SLC35D2: variants seen among roughly 807,000 people sequenced by gnomAD.
The protein encoded by SLC35D2 is solute carrier family 35 member D2.
In SLC35D2, 43 loss-of-function variants were observed where a neutral mutation model predicts 41.8. The ratio of observed to expected loss-of-function variants is 1.03; its 90% CI spans 0.81 to 1.33. The LOEUF is 1.33. Among genes scored for constraint, SLC35D2 ranks in the 40% most tolerant of loss-of-function variants. The probability of loss-of-function intolerance (pLI) is 0.00; values close to 1 mark genes in which losing one functional copy is unlikely to be tolerated. For synonymous variants in SLC35D2, 150 were observed against 163.9 expected (o/e 0.92, Z 0.65); for missense variants, 380 against 408.4 (o/e 0.93, Z 0.60).
intron 1 of SLC35D2, chr9:96,373,951 G>A (rs1011601718): frequency 5.9e-5 from 9 of 152,186 alleles, no homozygotes; most frequent in African/African-American, 2.2e-4. Context: ...TCTCAGCAGA[G>A]GCAAGCTGAA....
chr9:96,350,932 C>G (rs1829784778), intron 6 of SLC35D2, 171 bp downstream of exon 6: 2 of 515,964 alleles, frequency 3.9e-6, no homozygotes, highest in African/African-American at 3.8e-5. Flanking sequence ...AATGTGGGAC[C>G]CACTTTGACT....
chr9:96,328,699 G>A (rs917562625), intron 9 of SLC35D2, among the ~76,000 whole-genome samples: 7 of 152,068 alleles, frequency 4.6e-5, no homozygotes, highest in African/African-American at 7.3e-5. Context: ...ACTGATTACC[G>A]TTCCCTGCCC....
intron 1 of SLC35D2, among the ~76,000 whole-genome samples, chr9:96,376,177 C>T (rs1379071672): frequency 6.6e-6 from 1 of 151,064 alleles, no homozygotes; most frequent in Non-Finnish European, 1.5e-5. Flanking sequence ...CGCCTGTAAT[C>T]CCAGCTACTC....
intron 1 of SLC35D2, among the ~76,000 whole-genome samples, chr9:96,368,765 TAC>T (rs556496513): frequency 3.8e-4 from 57 of 149,824 alleles, no homozygotes; most frequent in African/African-American, 1.2e-3. Context: ...TATATATATA[TAC>T]ACACACACAC....
At chr9:96,341,094 C>T (rs1829305359) in intron 8 of SLC35D2, among the ~76,000 whole-genome samples, 3 of 152,098 alleles carry the variant, frequency 2.0e-5, no homozygotes. Context: ...TGAGACCATC[C>T]TGGCCAACAT....
chr9:96,314,855 C>A (rs776319770), exon 12 of SLC35D2: 1 of 152,160 alleles, frequency 6.6e-6, no homozygotes, highest in Non-Finnish European at 1.5e-5. Context: ...AGAATGACCC[C>A]TTTTTGGCTA....
intron 8 of SLC35D2, among the ~76,000 whole-genome samples, chr9:96,341,433 G>A (rs1829321586): frequency 6.6e-6 from 1 of 152,234 alleles, no homozygotes; most frequent in Non-Finnish European, 1.5e-5. Flanking sequence ...AGTGGAGGAT[G>A]TGTTTCTAGA....
chr9:96,328,987 C>G (rs924461842), intron 9 of SLC35D2, among the ~76,000 whole-genome samples: 4 of 151,262 alleles, frequency 2.6e-5, no homozygotes, highest in Non-Finnish European at 5.9e-5. Flanking sequence ...ACTCAGGAGG[C>G]TGAGGCAGGA....
At chr9:96,354,625 G>A (rs1457004019) in intron 4 of SLC35D2, among the ~76,000 whole-genome samples, 3 of 151,950 alleles carry the variant, frequency 2.0e-5, no homozygotes, top group African/African-American at 7.2e-5. Flanking sequence ...AAAATTAGCT[G>A]GACGTAGTGG....
intron 1 of SLC35D2, among the ~76,000 whole-genome samples, chr9:96,375,950 CAGG>C: frequency 6.6e-6 from 1 of 152,094 alleles, no homozygotes; most frequent in Middle Eastern, 3.4e-3. Context: ...CACTTGAGGT[CAGG>C]AGTTCAAAAC....
At chr9:96,343,280 G>A (rs1268415602) in intron 8 of SLC35D2, among the ~76,000 whole-genome samples, 1 of 152,202 alleles carries the variant, frequency 6.6e-6, no homozygotes, top group Non-Finnish European at 1.5e-5. Context: ...ACCAGCAGCA[G>A]ATACGGTTTC....
intron 1 of SLC35D2, among the ~76,000 whole-genome samples, chr9:96,372,661 T>C (rs890130908): frequency 2.9e-5 from 4 of 137,544 alleles, no homozygotes; most frequent in Admixed American, 2.4e-4. Context: ...CTCAGCTCAC[T>C]GCAACCTTCG....
At position 96,327,591 on chromosome 9, in the gene SLC35D2, G is replaced by C. The variant is rs147896858; in HGVS notation, c.753-3422C>G. 5.4e-3 allele frequency among the ~76,000 whole-genome samples: 814 copies of C among 152,096 alleles called. 6 individuals are homozygous for C. Among genetic ancestry groups the C allele is most frequent in the African/African-American group, 0.019 (785 of 41,484 alleles). On this transcript the variant is annotated intron_variant, in intron 9 of 11. Coordinates refer to ENST00000253270, the MANE Select transcript of SLC35D2 (RefSeq NM_007001.3). The stretch of plus-strand genomic sequence containing the variant: ...CTTAGCAACAGATGGCGGCTAGATA[G>C]AAGGGCTGCACTTCTTTTTTCTTTT...
At position 96,343,971 on chromosome 9, in the gene SLC35D2, A is replaced by G. The variant is rs1201063782; in HGVS notation, c.617T>C (p.Phe206Ser). The change falls in exon 8 of 12, where the codon TTC becomes TCC. Residue 206 changes from phenylalanine to serine, a missense_variant. By Grantham distance (155) the Phe-to-Ser change is radical. Transcript: ENST00000253270. ...GATAATCATGAAGCAGGCATTGTAG[A>G]AAAGTACTCCGTATTTCCCTAGCTC... ...PKELGKYGVL[F>S]YNACFMIIPT... is the part of the protein sequence containing the mutation. 6.2e-7 allele frequency: 1 copy of G among 1,601,024 alleles called. No individual in the cohort carries two copies. Among genetic ancestry groups the G allele is most frequent in the Non-Finnish European group, 8.5e-7 (1 of 1,175,232 alleles).
At chr9:96,345,226 A>C in intron 7 of SLC35D2, 73 bp downstream of exon 7, 1 of 743,042 alleles carries the variant, frequency 1.3e-6, no homozygotes, top group Non-Finnish European at 2.3e-6. Flanking sequence ...AACTGTACAC[A>C]TTCATTTTCA....
chr9:96,352,828 A>G (rs1400452309), intron 4 of SLC35D2, among the ~76,000 whole-genome samples: 1 of 152,044 alleles, frequency 6.6e-6, no homozygotes, highest in African/African-American at 2.4e-5. Context: ...ACTTGAGGTC[A>G]GGAGTTTGAC....
chr9:96,379,136 G>GA lies in SLC35D2; in HGVS notation c.158+4340dup, dbSNP rs57361495. Reference sequence around the variant, plus strand: ...AACATAGCAAGAACCCCTCTCTACAGAAAAAAAAAAAAATGCAAAAATTAG... The same window carrying GA: ...AACATAGCAAGAACCCCTCTCTACAGAAAAAAAAAAAAAATGCAAAAATTAG... On this transcript the variant is annotated intron_variant, in intron 1 of 11. Transcript: ENST00000253270. Among the ~76,000 whole-genome samples, 1,194 of 129,626 alleles carry GA rather than the reference G, an allele frequency of 9.2e-3. 4 individuals are homozygous for GA. The highest frequency in any genetic ancestry group is 0.016 in the African/African-American group (570 of 36,076). 85.0% of individuals were successfully genotyped at this position (129,626 alleles called of 152,430 possible). A position where few individuals can be genotyped will look rare whatever the true frequency, so the allele number is the denominator to read the frequency against.
At chr9:96,337,693 C>A (rs1158972056) in intron 8 of SLC35D2, among the ~76,000 whole-genome samples, 2 of 151,730 alleles carry the variant, frequency 1.3e-5, no homozygotes, top group African/African-American at 2.4e-5. Context: ...TTTAAGACTT[C>A]ATTTTTGGCC....
chr9:96,382,490 C>CTATATATATATAT, intron 1 of SLC35D2, among the ~76,000 whole-genome samples: 1 of 144,856 alleles, frequency 6.9e-6, no homozygotes, highest in Non-Finnish European at 1.5e-5. Context: ...CACACACACA[C>CTATATATATATAT]ACACACTATA....
Sources: gnomAD v4.1 joint callset for allele counts (sites outside exome capture counted in the v4.1 genomes callset) on GRCh38, gnomAD v4.1.1 for gene constraint, MANE v1.5 for transcripts, NCBI Gene and HGNC (gene_info 2026-07-23, HGNC 2026-07-21) for gene names.